The following PARD3B variants were observed in gnomAD, a reference collection of about 807,000 sequenced individuals.
PARD3B encodes partitioning defective 3 homolog B.
A neutral mutation model predicts 130.2 loss-of-function variants in PARD3B; 103 were observed. That is an observed-to-expected ratio of 0.79 (90% CI 0.67 to 0.93). The LOEUF (loss-of-function observed/expected upper bound fraction) is 0.93. Among genes scored for constraint, PARD3B ranks in the 40% least tolerant of loss-of-function variants. The pLI is 0.00. For synonymous variants in PARD3B, 583 were observed against 553.2 expected, an observed-to-expected ratio of 1.05 and a Z score of -0.76; for missense variants, 1,609 against 1,499.2, an observed-to-expected ratio of 1.07 and a Z score of -1.21.
At chr2:205,139,663 T>C (rs1372955194) in intron 10 of PARD3B, among the ~76,000 whole-genome samples, 1 of 152,182 alleles carries the variant, frequency 6.6e-6, no homozygotes, top group Non-Finnish European at 1.5e-5. Flanking sequence ...ACTTATTCTC[T>C]ATATCATAAA....
At chr2:205,178,876 A>G (rs1356830975) in intron 13 of PARD3B, among the ~76,000 whole-genome samples, 1 of 152,204 alleles carries the variant, frequency 6.6e-6, no homozygotes, top group Non-Finnish European at 1.5e-5. Flanking sequence ...TATAATTTTT[A>G]TCATCATTTT....
intron 18 of PARD3B, among the ~76,000 whole-genome samples, chr2:205,384,013 A>C (rs2045574463): frequency 6.6e-6 from 1 of 152,028 alleles, no homozygotes; most frequent in South Asian, 2.1e-4. Flanking sequence ...TCTGAAACTG[A>C]CTTGAAACTA....
Position 205,553,341 on chromosome 2 carries a change from A to C in PARD3B, c.3198A>C (p.Pro1066=). ...CTCCACAGGTGCCTGGAAGGGGTCCAGATGGGAATGCACACAACCTCCGCT... is the reference window on the plus strand; with the variant it reads ...CTCCACAGGTGCCTGGAAGGGGTCCCGATGGGAATGCACACAACCTCCGCT... ...YDLLWVPGRG[P]DGNAHNLRFE... Residue 1066 remains proline, a synonymous_variant, in exon 22 of 23, where the codon CCA becomes CCC. Transcript: ENST00000406610. 1 of 1,614,052 alleles carries C rather than the reference A, an allele frequency of 6.2e-7. No individual in the cohort carries two copies. The highest frequency in any genetic ancestry group is 1.1e-5 in the South Asian group (1 of 91,070).
At chr2:205,343,836 T>A (rs1446719025) in intron 18 of PARD3B, among the ~76,000 whole-genome samples, 1 of 150,964 alleles carries the variant, frequency 6.6e-6, no homozygotes, top group Non-Finnish European at 1.5e-5. Context: ...TCCTCCACCC[T>A]CACCCCCTAT....
chr2:204,903,783 G>A (rs2046951463), intron 2 of PARD3B, among the ~76,000 whole-genome samples: 1 of 152,074 alleles, frequency 6.6e-6, no homozygotes, highest in South Asian at 2.1e-4. Context: ...CTATCATTTA[G>A]CTTTGTAGAA....
chr2:204,751,255 C>T (rs192281456), intron 2 of PARD3B, among the ~76,000 whole-genome samples: 472 of 152,204 alleles, frequency 3.1e-3, no homozygotes, highest in Admixed American at 5.4e-3. Context: ...GCAAATGGAG[C>T]CATATCCAGG....
chr2:204,718,236 C>T (rs1055486063), intron 2 of PARD3B, among the ~76,000 whole-genome samples: 1 of 151,958 alleles, frequency 6.6e-6, no homozygotes, highest in African/African-American at 2.4e-5. Context: ...TGTGTCTCTT[C>T]CCTCCTCCCC....
intron 22 of PARD3B, among the ~76,000 whole-genome samples, chr2:205,582,442 A>C (rs2054021826): frequency 6.6e-6 from 1 of 152,212 alleles, no homozygotes; most frequent in Non-Finnish European, 1.5e-5. Context: ...CTATTTTAAT[A>C]ATTGTGCTTG....
At chr2:205,234,090 C>T (rs1220403111) in intron 15 of PARD3B, among the ~76,000 whole-genome samples, 2 of 152,098 alleles carry the variant, frequency 1.3e-5, no homozygotes, top group Non-Finnish European at 2.9e-5. Context: ...TGTTCAAGAT[C>T]AACCATAACA....
At chr2:205,406,725 C>T (rs1470285928) in intron 19 of PARD3B, among the ~76,000 whole-genome samples, 2 of 131,620 alleles carry the variant, frequency 1.5e-5, no homozygotes, top group Non-Finnish European at 3.1e-5. Context: ...GGCTAGAGTG[C>T]AGTGGCATGA....
intron 2 of PARD3B, among the ~76,000 whole-genome samples, chr2:204,687,933 A>G (rs2037166306): frequency 6.6e-6 from 1 of 152,194 alleles, no homozygotes; most frequent in Non-Finnish European, 1.5e-5. Context: ...GTCCATGAAC[A>G]GTGCCCAGGG....
intron 4 of PARD3B, among the ~76,000 whole-genome samples, chr2:205,053,352 A>G (rs534222815): frequency 5.9e-4 from 86 of 145,536 alleles, no homozygotes; most frequent in Non-Finnish European, 1.1e-3. Flanking sequence ...AAAATCCAAC[A>G]TAAGGCAGGG....
chr2:205,372,589 A>C (rs1368465298), intron 18 of PARD3B, among the ~76,000 whole-genome samples: 1 of 152,234 alleles, frequency 6.6e-6, no homozygotes, highest in African/African-American at 2.4e-5. Context: ...AATGAGGAAA[A>C]AATTTGGTTT....
chr2:205,532,290 T>C (rs2051633707), intron 21 of PARD3B, among the ~76,000 whole-genome samples: 2 of 151,620 alleles, frequency 1.3e-5, no homozygotes, highest in African/African-American at 4.8e-5. Flanking sequence ...ATTGTCATGT[T>C]TCTTTGTGTT....
At chr2:204,777,711 G>A (rs1221500834) in intron 2 of PARD3B, among the ~76,000 whole-genome samples, 1 of 152,192 alleles carries the variant, frequency 6.6e-6, no homozygotes, top group Non-Finnish European at 1.5e-5. Flanking sequence ...CAAGGCTGCA[G>A]TGAGCCATGA....
chr2:204,662,396 T>TC (rs1486745972), intron 1 of PARD3B, among the ~76,000 whole-genome samples: 1 of 152,198 alleles, frequency 6.6e-6, no homozygotes, highest in Non-Finnish European at 1.5e-5. Flanking sequence ...GTAATGGGCT[T>TC]ACTTTATATA....
At chr2:205,273,863 A>G (rs2040837406) in intron 16 of PARD3B, among the ~76,000 whole-genome samples, 1 of 152,166 alleles carries the variant, frequency 6.6e-6, no homozygotes, top group South Asian at 2.1e-4. Context: ...TAAGTTATCT[A>G]TGATCTTGAA....
At chr2:205,557,022 T>A (rs1231473344) in intron 22 of PARD3B, among the ~76,000 whole-genome samples, 1 of 152,086 alleles carries the variant, frequency 6.6e-6, no homozygotes, top group Non-Finnish European at 1.5e-5. Context: ...ACCTGGCCCA[T>A]CCCTGGCCCC....
At chr2:204,886,680 T>G (rs775427639) in intron 2 of PARD3B, among the ~76,000 whole-genome samples, 5 of 152,194 alleles carry the variant, frequency 3.3e-5, no homozygotes, top group Non-Finnish European at 5.9e-5. Context: ...ACATATGAAA[T>G]CATGTAAACA....
Sources: gnomAD v4.1 joint callset for allele counts (sites outside exome capture counted in the v4.1 genomes callset) on GRCh38, gnomAD v4.1.1 for gene constraint, MANE v1.5 for transcripts, NCBI Gene and HGNC (gene_info 2026-07-23, HGNC 2026-07-21) for gene names.